The following LMO7 variants were observed in gnomAD, a reference collection of about 807,000 sequenced individuals.
LMO7 encodes LIM domain only protein 7.
A neutral mutation model predicts 206.5 loss-of-function variants in LMO7; 120 were observed. That is an observed-to-expected ratio of 0.58 (90% CI 0.50 to 0.68). The LOEUF is 0.68. Among genes scored for constraint, LMO7 ranks in the 30% least tolerant of loss-of-function variants. The pLI is 0.00. For synonymous variants in LMO7, 706 were observed against 681.5 expected, an observed-to-expected ratio of 1.04 and a Z score of -0.56; for missense variants, 1,959 against 1,957.9, an observed-to-expected ratio of 1.00 and a Z score of -0.01.
chr13:75,713,576 A>G (rs1270439421), intron 2 of LMO7, among the ~76,000 whole-genome samples: 2 of 152,204 alleles, frequency 1.3e-5, no homozygotes, highest in Non-Finnish European at 2.9e-5. Context: ...TTGATCTCTT[A>G]GTCTGAATAT....
At chr13:75,782,757 T>A (rs946756592) in intron 4 of LMO7, among the ~76,000 whole-genome samples, 3 of 152,218 alleles carry the variant, frequency 2.0e-5, no homozygotes, top group Admixed American at 6.5e-5. Flanking sequence ...GCTGCATCAC[T>A]GCTCCAATCT....
At chr13:75,667,879 G>A (rs1407831242) in intron 1 of LMO7, among the ~76,000 whole-genome samples, 3 of 152,156 alleles carry the variant, frequency 2.0e-5, no homozygotes, top group Non-Finnish European at 4.4e-5. Context: ...CAATTGTTAT[G>A]TTTTGTCAAA....
intron 17 of LMO7, 47 bp from the exon 18 acceptor site, chr13:75,835,186 A>G (rs760864006): frequency 6.2e-6 from 10 of 1,604,698 alleles, no homozygotes; most frequent in South Asian, 1.1e-5. Context: ...TGCCATTTAT[A>G]CGGCATAAAA....
chr13:75,805,031 T>A, intron 8 of LMO7: 8 of 1,001,588 alleles, frequency 8.0e-6, no homozygotes, highest in Non-Finnish European at 9.5e-6. Flanking sequence ...TAGCCAACCG[T>A]AGATTCCAAG....
chr13:75,732,444 C>T (rs979773415), intron 3 of LMO7, among the ~76,000 whole-genome samples: 15 of 152,334 alleles, frequency 9.8e-5, no homozygotes, highest in East Asian at 1.9e-4. Context: ...GCGTTCGTCA[C>T]GTAGTTCTCG....
At position 75,840,376 on chromosome 13, in the gene LMO7, C is replaced by T. The variant is rs1204886306; in HGVS notation, c.3478-15C>T. On this transcript the variant is annotated splice_polypyrimidine_tract_variant and intron_variant, in intron 21 of 30. Coordinates refer to ENST00000377534, the MANE Select transcript of LMO7 (RefSeq NM_001306080.2). ...GTTGTTCTCTATTTGCATCTCTTCT[C>T]TGATAACTGGTTAGCTTCCAGTTCC... 1.2e-6 allele frequency: 2 copies of T among 1,613,642 alleles called. No homozygotes were observed. Among genetic ancestry groups the T allele is most frequent in the Admixed American group, 1.7e-5 (1 of 59,974 alleles).
exon 1 of LMO7, chr13:75,620,764 G>A (rs2033274091): frequency 6.6e-6 from 1 of 152,020 alleles, no homozygotes; most frequent in Non-Finnish European, 1.5e-5. Flanking sequence ...CAATTGATAA[G>A]CTTTCCCACT....
Position 75,853,120 on chromosome 13 carries a change from C to A in LMO7, c.4393C>A (p.Pro1465Thr). ...RGESLDNLDS[P>T]RSNSWRQPPW... is the part of the protein sequence containing the mutation. ...CGAATCTTTAGATAACCTGGACTCC[C>A]CCCGATCCAATTCTTGGAGACAGCC... The change falls in exon 28 of 31, where the codon CCC becomes ACC. Residue 1465 changes from proline (P) to threonine (T), a missense_variant. Transcript: ENST00000377534. The A allele has an allele frequency of 6.2e-7, 1 of 1,611,248 alleles. No homozygotes were observed. Among genetic ancestry groups the A allele is most frequent in the Non-Finnish European group, 8.5e-7 (1 of 1,178,394 alleles).
At chr13:75,746,672 C>T (rs2046869352) in intron 3 of LMO7, among the ~76,000 whole-genome samples, 1 of 152,120 alleles carries the variant, frequency 6.6e-6, no homozygotes, top group Admixed American at 6.5e-5. Flanking sequence ...TTTCTGGCTT[C>T]CTTGGTCTCT....
chr13:75,824,092 CTT>C (rs1252129016), intron 15 of LMO7, among the ~76,000 whole-genome samples: 4 of 152,294 alleles, frequency 2.6e-5, no homozygotes, highest in South Asian at 4.1e-4. Flanking sequence ...TGTATGGAGA[CTT>C]TGTGCACCAG....
chr13:75,801,506 A>G (rs2054727882), intron 7 of LMO7, among the ~76,000 whole-genome samples: 1 of 152,210 alleles, frequency 6.6e-6, no homozygotes. Context: ...TGTGAAAGGA[A>G]CATGTTAGAG....
intron 1 of LMO7, among the ~76,000 whole-genome samples, chr13:75,692,338 G>A (rs888822715): frequency 1.3e-5 from 2 of 151,928 alleles, no homozygotes; most frequent in African/African-American, 4.8e-5. Flanking sequence ...TATTATTTAA[G>A]AGATTTTTAC....
chr13:75,804,667 A>G lies in LMO7; in HGVS notation c.914+126A>G, dbSNP rs529893207. On this transcript the variant is annotated intron_variant, in intron 8 of 30. Coordinates refer to ENST00000377534, the MANE Select transcript of LMO7 (RefSeq NM_001306080.2). ...CATATATTAAGCTTGACTAGTGAGA[A>G]TATTTTTCATCCCTCTATTTTTAGT... 8 of 1,201,566 alleles carry G rather than the reference A, an allele frequency of 6.7e-6. No individual in the cohort carries two copies. The African/African-American group carries it at 1.2e-4, about 18-fold the overall frequency. 74.4% of individuals were successfully genotyped at this position (1,201,566 alleles called of 1,614,324 possible). A position where few individuals can be genotyped will look rare whatever the true frequency, so the allele number is the denominator to read the frequency against.
intron 2 of LMO7, among the ~76,000 whole-genome samples, chr13:75,717,074 C>T (rs1319083956): frequency 6.6e-6 from 1 of 151,962 alleles, no homozygotes; most frequent in Admixed American, 6.6e-5. Flanking sequence ...AGTAAGAACA[C>T]TCTTCTCGGC....
chr13:75,769,973 A>G (rs187230521), intron 4 of LMO7, among the ~76,000 whole-genome samples: 49 of 152,196 alleles, frequency 3.2e-4, no homozygotes, highest in African/African-American at 1.1e-3. Flanking sequence ...TTTTGGCTTC[A>G]TACTGAGAAA....
chr13:75,788,896 C>T (rs988340808), intron 4 of LMO7: 1 of 152,424 alleles, frequency 6.6e-6, no homozygotes, highest in Middle Eastern at 3.4e-3. Context: ...GAAGTGGCCT[C>T]AGGAAGTAGA....
At position 75,821,542 on chromosome 13, in the gene LMO7, C is replaced by G; in HGVS notation, c.2573C>G (p.Ser858Cys). Residue 858 changes from serine to cysteine, a missense_variant, in exon 14 of 31, where the codon TCT (serine) becomes TGT (cysteine). Coordinates refer to ENST00000377534, the MANE Select transcript of LMO7 (RefSeq NM_001306080.2). ...AAAACTGATACAGTCAGGTTAACAT[C>G]TGTGGTCACACCAAGACCCTTTGGC... ...YRKTDTVRLT[S>C]VVTPRPFGSQ... The G allele has an allele frequency of 6.2e-7, 1 of 1,614,046 alleles. No individual in the cohort carries two copies. The highest frequency in any genetic ancestry group is 8.5e-7 in the Non-Finnish European group (1 of 1,179,918).
chr13:75,851,819 G>A (rs1566620721), intron 27 of LMO7, among the ~76,000 whole-genome samples: 1 of 152,160 alleles, frequency 6.6e-6, no homozygotes, highest in African/African-American at 2.4e-5. Flanking sequence ...ACATTAAACA[G>A]TTGCTAAATT....
At chr13:75,623,362 C>A in intron 2 of LMO7, 1 of 1,106,794 alleles carries the variant, frequency 9.0e-7, no homozygotes, top group Non-Finnish European at 1.4e-6. Context: ...TCAGAAAGGC[C>A]AAAGCATTTT....
Sources: allele counts gnomAD v4.1 joint callset (sites outside exome capture counted in the v4.1 genomes callset), GRCh38; gene constraint gnomAD v4.1.1; transcripts MANE v1.5; gene names NCBI Gene and HGNC (gene_info 2026-07-23, HGNC 2026-07-21).